Variants in TAX1BP1 observed in about 807,000 individuals in gnomAD.
The protein encoded by TAX1BP1 is tax1-binding protein 1.
In TAX1BP1, 62 loss-of-function variants were observed where a neutral mutation model predicts 97.7. That is an observed-to-expected ratio of 0.63 (90% CI 0.52 to 0.78). The LOEUF (loss-of-function observed/expected upper bound fraction) is 0.78. Ranked by LOEUF, TAX1BP1 falls within the 30% of genes least tolerant of loss-of-function variation. The pLI, the probability that TAX1BP1 is intolerant of heterozygous loss-of-function variation, is 0.00. For synonymous variants in TAX1BP1, 340 were observed against 304.2 expected, an observed-to-expected ratio of 1.12 and a Z score of -1.23; for missense variants, 867 against 916.1, an observed-to-expected ratio of 0.95 and a Z score of 0.69.
intron 9 of TAX1BP1, 111 bp from the exon 10 acceptor site, chr7:27,792,955 C>CT (rs1448845794): frequency 6.1e-6 from 6 of 979,840 alleles, no homozygotes; most frequent in Non-Finnish European, 8.9e-6. Flanking sequence ...GAGCAAGACT[C>CT]TGTCTCAAAA....
At position 27,796,600 on chromosome 7, in the gene TAX1BP1, G is replaced by A. The variant is rs190409017; in HGVS notation, c.1638+381G>A. ...TTATCGGCCAGGTGCGGTGGCTCAC[G>A]CCTGTAATCCCAGCACCTTGGGAGG... On this transcript the variant is annotated intron_variant, in intron 12 of 16. Transcript: ENST00000396319. 2.4e-4 allele frequency among the ~76,000 whole-genome samples: 36 copies of A among 152,282 alleles called. 1 individual carries two copies. The highest frequency in any genetic ancestry group is 1.1e-3 in the Admixed American group (17 of 15,298).
intron 4 of TAX1BP1, among the ~76,000 whole-genome samples, chr7:27,766,492 A>AATTTAGAGT (rs1318101920): frequency 6.8e-6 from 1 of 147,536 alleles, no homozygotes; most frequent in Non-Finnish European, 1.5e-5. Flanking sequence ...TAAAATAATA[A>AATTTAGAGT]ATTTAGAGTG....
chr7:27,827,717 C>T (rs368708593), intron 15 of TAX1BP1, 21 bp from the exon 16 acceptor site: 1 of 1,601,990 alleles, frequency 6.2e-7, no homozygotes, highest in Admixed American at 1.7e-5. Flanking sequence ...CTTAAAAGTT[C>T]CAAAATTATT....
At chr7:27,775,143 T>A (rs969153449) in intron 5 of TAX1BP1, among the ~76,000 whole-genome samples, 2 of 152,130 alleles carry the variant, frequency 1.3e-5, no homozygotes, top group African/African-American at 4.8e-5. Context: ...TGGTTATACA[T>A]CATTACTGCC....
At chr7:27,740,825 AG>A (rs1478448638) in intron 1 of TAX1BP1, among the ~76,000 whole-genome samples, 1 of 152,070 alleles carries the variant, frequency 6.6e-6, no homozygotes, top group Non-Finnish European at 1.5e-5. Context: ...CCTACTTTTG[AG>A]GGCCGCGGGC....
chr7:27,763,665 G>A (rs758727291), intron 3 of TAX1BP1, among the ~76,000 whole-genome samples: 1 of 152,168 alleles, frequency 6.6e-6, no homozygotes, highest in Non-Finnish European at 1.5e-5. Flanking sequence ...CTACTCGGGA[G>A]GCTGACGCAG....
chr7:27,778,652 C>T (rs1397894774), intron 5 of TAX1BP1, among the ~76,000 whole-genome samples: 1 of 152,024 alleles, frequency 6.6e-6, no homozygotes, highest in Non-Finnish European at 1.5e-5. Context: ...ATCACAAGGT[C>T]AAGAGATCGA....
At position 27,809,133 on chromosome 7, in the gene TAX1BP1, CTG is replaced by C. The variant is rs1412614558; in HGVS notation, c.1765-7214_1765-7213del. ...GATTTAATAGCATGTCTAATAATGACTGTAATTTTGAAGTGGTGATCAATAGA... is the reference window on the plus strand; with the variant it reads ...GATTTAATAGCATGTCTAATAATGACTAATTTTGAAGTGGTGATCAATAGA... On this transcript the variant is annotated intron_variant, in intron 13 of 16. Coordinates refer to ENST00000396319, the MANE Select transcript of TAX1BP1 (RefSeq NM_006024.7). Among the ~76,000 whole-genome samples the C allele has an allele frequency of 4.0e-4, 60 of 150,888 alleles. 2 individuals carry two copies. The highest frequency in any genetic ancestry group is 3.9e-4 in the East Asian group (2 of 5,188).
chr7:27,783,932 G>A lies in TAX1BP1; in HGVS notation c.613-1231G>A, dbSNP rs371291808. ...GTATTATGGCATTGGAACCAAAAAAGCATTTTGTACAACAGTTTTTGGTTA... is the reference window on the plus strand; with the variant it reads ...GTATTATGGCATTGGAACCAAAAAAACATTTTGTACAACAGTTTTTGGTTA... On this transcript the variant is annotated intron_variant, in intron 5 of 16. Coordinates refer to ENST00000396319, the MANE Select transcript of TAX1BP1 (RefSeq NM_006024.7). Among the ~76,000 whole-genome samples the A allele has an allele frequency of 4.6e-5, 7 of 152,190 alleles. No individual in the cohort carries two copies. The East Asian group carries it at 1.4e-3, about 29-fold the overall frequency.
intron 2 of TAX1BP1, 67 bp downstream of exon 2, chr7:27,748,753 A>T: frequency 7.8e-7 from 1 of 1,278,092 alleles, no homozygotes; most frequent in East Asian, 2.7e-5. Context: ...ACAGATTGAT[A>T]AGTAGCTTTT....
chr7:27,758,465 A>G (rs1283013217), intron 3 of TAX1BP1: 1 of 163,828 alleles, frequency 6.1e-6, no homozygotes. Context: ...AACAAAAAAG[A>G]GGTGAGGAAA....
chr7:27,813,468 C>T (rs1398441164), intron 13 of TAX1BP1, among the ~76,000 whole-genome samples: 1 of 151,996 alleles, frequency 6.6e-6, no homozygotes, highest in Non-Finnish European at 1.5e-5. Context: ...GATCCTCCCA[C>T]CTCAGGTTTC....
chr7:27,756,659 C>T (rs1410253701), intron 2 of TAX1BP1, among the ~76,000 whole-genome samples: 13 of 152,148 alleles, frequency 8.5e-5, no homozygotes, highest in Non-Finnish European at 2.9e-5. Flanking sequence ...TTACAAAATA[C>T]TACACCTATA....
rs1424285333 is a variant in TAX1BP1 at position 27,790,932 on chromosome 7, G to A, written c.1039-1074G>A. 2.6e-5 allele frequency among the ~76,000 whole-genome samples: 4 copies of A among 151,950 alleles called. No individual in the cohort carries two copies. In the East Asian group the frequency reaches 7.7e-4, roughly 29 times the overall value. ...TTATTTGTTTGATTGTTGGTGAGTT[G>A]AATTTTTTTACTGCATAATCGCATT... On this transcript the variant is annotated intron_variant, in intron 8 of 16. Transcript: ENST00000396319.
At chr7:27,767,706 A>G (rs7803672) in intron 4 of TAX1BP1, among the ~76,000 whole-genome samples, 6,272 of 152,080 alleles carry the variant, frequency 0.041, 403 homozygotes, top group African/African-American at 0.14. Context: ...TCCAACAGAA[A>G]AGTGATGGGC....
intron 2 of TAX1BP1, among the ~76,000 whole-genome samples, chr7:27,750,681 T>C (rs552908699): frequency 6.6e-6 from 1 of 152,354 alleles, no homozygotes; most frequent in Admixed American, 6.5e-5. Context: ...TGAAAAAGTA[T>C]GTTTCAGGAA....
At chr7:27,795,787 G>A (rs536434973) in intron 11 of TAX1BP1, among the ~76,000 whole-genome samples, 2 of 152,008 alleles carry the variant, frequency 1.3e-5, no homozygotes, top group East Asian at 1.9e-4. Flanking sequence ...CTCCTGCCTC[G>A]GCCTCGACCC....
intron 12 of TAX1BP1, among the ~76,000 whole-genome samples, chr7:27,798,326 C>G (rs1178737382): frequency 6.6e-6 from 1 of 151,562 alleles, no homozygotes; most frequent in Non-Finnish European, 1.5e-5. Context: ...GGGTAAATAT[C>G]TAGGGGTGAA....
rs181208909 is a variant in TAX1BP1, at chr7:27,817,574, T to A, written c.2085+536T>A. On this transcript the variant is annotated intron_variant, in intron 15 of 16. Coordinates refer to ENST00000396319, the MANE Select transcript of TAX1BP1 (RefSeq NM_006024.7). ...ATACTATTTGAGATGTCTTTAGTAT[T>A]TAGGTAGGATTTCTTATTCTCTGGC... 2.5e-3 allele frequency among the ~76,000 whole-genome samples: 376 copies of A among 152,342 alleles called. 3 individuals are homozygous for A. In the South Asian group the frequency reaches 0.025, roughly 10 times the overall value.
Sources: gnomAD v4.1 joint callset for allele counts (sites outside exome capture counted in the v4.1 genomes callset) on GRCh38, gnomAD v4.1.1 for gene constraint, MANE v1.5 for transcripts, NCBI Gene and HGNC (gene_info 2026-07-23, HGNC 2026-07-21) for gene names.